Variants in MPRIP observed in about 807,000 individuals in gnomAD.
MPRIP encodes the protein myosin phosphatase Rho-interacting protein.
MPRIP carries 59 observed loss-of-function variants against 234.9 expected under a neutral mutation model. The observed-to-expected ratio is 0.25, with a 90% CI of 0.20 to 0.31. The LOEUF (loss-of-function observed/expected upper bound fraction) is 0.31. Among genes scored for constraint, MPRIP ranks in the 10% least tolerant of loss-of-function variants. The probability of loss-of-function intolerance (pLI) is 1.00; values close to 1 mark genes in which losing one functional copy is unlikely to be tolerated. For synonymous variants in MPRIP, 1,144 were observed against 1,263.9 expected, an observed-to-expected ratio of 0.91 and a Z score of 2.01; for missense variants, 2,436 against 3,071.0, an observed-to-expected ratio of 0.79 and a Z score of 4.89.
chr17:17,158,402 A>T, intron 13 of MPRIP, 30 bp from the exon 14 acceptor site: 4 of 1,519,542 alleles, frequency 2.6e-6, no homozygotes, highest in Non-Finnish European at 3.5e-6. Context: ...GCCGCCCCTG[A>T]CAGGCTATGT....
In MPRIP at chr17:17,190,283, C is replaced by A. The variant is rs2046561514; in HGVS notation, c.*5389C>A. 1 of 152,256 alleles carries A rather than the reference C, an allele frequency of 6.6e-6. No homozygotes were observed. Among genetic ancestry groups the A allele is most frequent in the African/African-American group, 2.4e-5 (1 of 41,462 alleles). The allele number at this position is 152,256 out of a possible 1,614,324, so 9.4% of individuals were successfully genotyped here. On this transcript the variant is annotated 3_prime_UTR_variant, in exon 24 of 24. Coordinates refer to ENST00000651222, the MANE Select transcript of MPRIP (RefSeq NM_001364716.4). The stretch of plus-strand genomic sequence containing the variant: ...CTGTTCTCAATGCCAAGCAACAGAA[C>A]GTTCTGAGATGGCCGTTCTTCCTTG...
chr17:17,127,431 G>A (rs768246618), intron 4 of MPRIP, among the ~76,000 whole-genome samples: 4 of 152,238 alleles, frequency 2.6e-5, no homozygotes, highest in Non-Finnish European at 4.4e-5. Context: ...TGAGAGTGGC[G>A]AACTGGCTCA....
At chr17:17,163,968 G>T in intron 15 of MPRIP, 141 bp from the exon 16 acceptor site, 1 of 443,340 alleles carries the variant, frequency 2.3e-6, no homozygotes, top group Admixed American at 4.5e-5. Flanking sequence ...TTTTTTTAAT[G>T]GGAAAAAAAA....
chr17:17,105,864 G>GT (rs2090053434), intron 3 of MPRIP, among the ~76,000 whole-genome samples: 2 of 152,140 alleles, frequency 1.3e-5, no homozygotes, highest in South Asian at 4.1e-4. Flanking sequence ...TTAGGTTAAG[G>GT]TTTTGATCTT....
intron 14 of MPRIP, 105 bp downstream of exon 14, chr17:17,159,107 C>T (rs1039997849): frequency 5.0e-5 from 61 of 1,219,164 alleles, no homozygotes; most frequent in Middle Eastern, 2.4e-4. Context: ...GTCCTACCCG[C>T]GAGGGACTTG....
chr17:17,114,356 C>T (rs2090238059), intron 3 of MPRIP, among the ~76,000 whole-genome samples: 1 of 152,126 alleles, frequency 6.6e-6, no homozygotes, highest in Non-Finnish European at 1.5e-5. Context: ...CCCTTCCCTT[C>T]CCTAGGTTGC....
intron 15 of MPRIP, among the ~76,000 whole-genome samples, chr17:17,163,373 T>C (rs1399424326): frequency 6.6e-6 from 1 of 152,200 alleles, no homozygotes; most frequent in Non-Finnish European, 1.5e-5. Context: ...TGCCTTTCAG[T>C]GTGGGGAGTT....
At position 17,131,689 on chromosome 17, in the gene MPRIP, C is replaced by T. The variant is rs1427161891; in HGVS notation, c.492C>T (p.Pro164=). 2.2e-5 allele frequency: 35 copies of T among 1,614,038 alleles called. No individual in the cohort carries two copies. The highest frequency in any genetic ancestry group is 3.0e-5 in the Non-Finnish European group (35 of 1,180,004). Residue 164 remains proline (P), a synonymous_variant, in exon 5 of 24, where the codon CCC becomes CCT. Coordinates refer to ENST00000651222, the MANE Select transcript of MPRIP (RefSeq NM_001364716.4). ...AGAAGAAGAAACGGAAAGTGGAGCC[C>T]CCCACACCACAGGTAGGCAGTGGGT... ...QNQKKKRKVE[P]PTPQEPGPAK...
At chr17:17,172,110 G>A (rs2046150810) in intron 17 of MPRIP, among the ~76,000 whole-genome samples, 1 of 152,252 alleles carries the variant, frequency 6.6e-6, no homozygotes, top group Non-Finnish European at 1.5e-5. Flanking sequence ...TGCACACAAG[G>A]AGCTGTCCCA....
intron 3 of MPRIP, chr17:17,096,670 G>C (rs767155101): frequency 9.0e-6 from 4 of 444,004 alleles, no homozygotes; most frequent in African/African-American, 2.0e-5. Flanking sequence ...CTGATACTCC[G>C]GCTGCCTTGA....
intron 1 of MPRIP, among the ~76,000 whole-genome samples, chr17:17,064,206 G>T (rs535728545): frequency 0.041 from 5,780 of 140,362 alleles, 364 homozygotes; most frequent in African/African-American, 0.13. Flanking sequence ...TTTTTGTTTT[G>T]TTTTTTTTTT....
At chr17:17,111,508 G>A (rs1272791864) in intron 3 of MPRIP, among the ~76,000 whole-genome samples, 1 of 152,216 alleles carries the variant, frequency 6.6e-6, no homozygotes, top group African/African-American at 2.4e-5. Context: ...CTGCCTGCTG[G>A]CCTGTGTGTC....
intron 1 of MPRIP, among the ~76,000 whole-genome samples, chr17:17,058,885 C>T (rs1202006878): frequency 2.0e-5 from 3 of 152,062 alleles, no homozygotes; most frequent in Non-Finnish European, 2.9e-5. Context: ...AGCAGGGCTG[C>T]TCCCCAAGCA....
chr17:17,169,562 G>A lies in MPRIP; in HGVS notation c.6324+1647G>A, dbSNP rs147619398. On this transcript the variant is annotated intron_variant, in intron 16 of 23. Coordinates refer to ENST00000651222, the MANE Select transcript of MPRIP (RefSeq NM_001364716.4). ...GAGGGAGAAACAGATGATGCAGGTC[G>A]GGATGAGGCCCCTCCCAGGGGCTTG... Among the ~76,000 whole-genome samples, 7 of 152,348 alleles carry A rather than the reference G, an allele frequency of 4.6e-5. No homozygotes were observed. The East Asian group carries it at 9.6e-4, about 21-fold the overall frequency.
At chr17:17,099,228 T>C (rs2089911199) in intron 3 of MPRIP, among the ~76,000 whole-genome samples, 1 of 152,164 alleles carries the variant, frequency 6.6e-6, no homozygotes. Context: ...TCCTCTGCAG[T>C]CCCCTTCTTT....
chr17:17,166,577 G>A lies in MPRIP; in HGVS notation c.4986G>A (p.Leu1662=). The change falls in exon 16 of 24, where the codon CTG becomes CTA. Residue 1662 remains leucine, a synonymous_variant. Coordinates refer to ENST00000651222, the MANE Select transcript of MPRIP (RefSeq NM_001364716.4). The surrounding 1 kb of genome is among the most constrained non-coding windows in gnomAD (Gnocchi z 4.4). ...TCCCACAGGGCCTGGCCCCCATCCTGGCCAATGCCACATGGGTCAGGGCAG... is the reference window on the plus strand; with the variant it reads ...TCCCACAGGGCCTGGCCCCCATCCTAGCCAATGCCACATGGGTCAGGGCAG... ...QSIPQGLAPI[L]ANATWVRAEL... is the part of the protein sequence containing the mutation. The A allele has an allele frequency of 7.7e-7, 1 of 1,304,182 alleles. No individual in the cohort carries two copies. Among genetic ancestry groups the A allele is most frequent in the East Asian group, 5.5e-5 (1 of 18,022 alleles). The allele number at this position is 1,304,182 out of a possible 1,614,324, so 80.8% of individuals were successfully genotyped here.
Position 17,103,784 on chromosome 17 carries a change from C to G in MPRIP, c.268-22918C>G, listed in dbSNP as rs142508784. Among the ~76,000 whole-genome samples the G allele has an allele frequency of 4.6e-5, 7 of 152,326 alleles. No individual in the cohort carries two copies. The East Asian group carries it at 1.2e-3, about 25-fold the overall frequency. On this transcript the variant is annotated intron_variant, in intron 3 of 23. Coordinates refer to ENST00000651222, the MANE Select transcript of MPRIP (RefSeq NM_001364716.4). ...AACAGATTGGTTTTAAAAATGCTGT[C>G]CTACATCCTGCCTCAGATGATGGCC...
intron 1 of MPRIP, among the ~76,000 whole-genome samples, chr17:17,067,768 T>TTTC (rs1235846541): frequency 4.6e-5 from 7 of 150,626 alleles, no homozygotes; most frequent in South Asian, 2.1e-4. Flanking sequence ...TTGGAAAGTG[T>TTTC]TTCTTCTTCT....
intron 3 of MPRIP, among the ~76,000 whole-genome samples, chr17:17,113,301 A>ATTTGCCAGT (rs2090210078): frequency 1.3e-5 from 2 of 152,182 alleles, no homozygotes; most frequent in South Asian, 4.1e-4. Flanking sequence ...TTGAAAAGAA[A>ATTTGCCAGT]TTTGCCAGTA....
Sources: gnomAD v4.1 joint callset for allele counts (sites outside exome capture counted in the v4.1 genomes callset) on GRCh38, gnomAD v4.1.1 for gene constraint, Gnocchi (gnomAD v3.1) non-coding constraint, MANE v1.5 for transcripts, NCBI Gene and HGNC (gene_info 2026-07-23, HGNC 2026-07-21) for gene names.